PC: variants seen among roughly 807,000 people sequenced by gnomAD.
PC encodes pyruvate carboxylase, mitochondrial.
Under a neutral mutation model 107.8 loss-of-function variants are expected in PC, and 46 were observed. The ratio of observed to expected loss-of-function variants is 0.43; its 90% CI spans 0.34 to 0.55. The LOEUF (loss-of-function observed/expected upper bound fraction) is 0.55, where lower values mean the gene tolerates loss of function less well. PC is among the 20% of genes least tolerant of loss of function. The pLI is 0.04. For missense variants in PC, 1,241 were observed against 1,643.1 expected (o/e 0.76, Z 4.23); for synonymous variants, 662 against 684.7 (o/e 0.97, Z 0.52).
At position 66,852,028 on chromosome 11, in the gene PC, A is replaced by G; in HGVS notation, c.1826-82T>C. On this transcript the variant is annotated intron_variant, in intron 15 of 22. Coordinates refer to ENST00000393960, the MANE Select transcript of PC (RefSeq NM_001040716.2). This position sits in a 1 kb window ranked among gnomAD's most constrained non-coding sequence, Gnocchi z 4.7. ...GCCTTGGAGCTAGCTCTGCAGCACA[A>G]GCCTCTGGCCCCAATACCAGGTCCT... 9.1e-6 allele frequency: 13 copies of G among 1,433,634 alleles called. No individual in the cohort carries two copies. Among genetic ancestry groups the G allele is most frequent in the Non-Finnish European group, 1.3e-5 (13 of 1,033,052 alleles). The allele number at this position is 1,433,634 out of a possible 1,614,324, so 88.8% of individuals were successfully genotyped here.
chr11:66,853,805 C>T (rs531653483), intron 12 of PC, among the ~76,000 whole-genome samples: 1 of 152,336 alleles, frequency 6.6e-6, no homozygotes, highest in East Asian at 1.9e-4. Flanking sequence ...GGGCATGCTC[C>T]CGCCTTGCTG....
chr11:66,850,965 G>T (rs775323907), intron 17 of PC, 42 bp from the exon 18 acceptor site: 4 of 1,607,788 alleles, frequency 2.5e-6, no homozygotes. Context: ...TGGTAGAGAG[G>T]GCAGGATGTG....
chr11:66,929,289 A>G (rs1203336445), intron 3 of PC, among the ~76,000 whole-genome samples: 2 of 152,122 alleles, frequency 1.3e-5, no homozygotes, highest in Non-Finnish European at 2.9e-5. Context: ...TACTTCTCAA[A>G]TGTGAAATCC....
intron 11 of PC, 131 bp from the exon 12 acceptor site, chr11:66,864,087 C>T (rs1427828733): frequency 1.1e-6 from 1 of 898,030 alleles, no homozygotes; most frequent in South Asian, 1.4e-5. Flanking sequence ...GCAGGTGAAT[C>T]CCAGCTCTGG....
In PC at chr11:66,868,967, G is replaced by A; in HGVS notation, c.904-3C>T. ...GTGCCTGCGTTCTCGTAGCCCACCTGTGGGGGCGGCCACGTGAGCAGGGGA... is the reference window on the plus strand; with the variant it reads ...GTGCCTGCGTTCTCGTAGCCCACCTATGGGGGCGGCCACGTGAGCAGGGGA... On this transcript the variant is annotated splice_polypyrimidine_tract_variant and splice_region_variant and intron_variant, in intron 9 of 22. Coordinates refer to ENST00000393960, the MANE Select transcript of PC (RefSeq NM_001040716.2). 1 of 1,611,726 alleles carries A rather than the reference G, an allele frequency of 6.2e-7. No homozygotes were observed. Among genetic ancestry groups the A allele is most frequent in the Non-Finnish European group, 8.5e-7 (1 of 1,178,226 alleles).
intron 3 of PC, among the ~76,000 whole-genome samples, chr11:66,877,250 A>AT (rs1248938505): frequency 1.3e-5 from 2 of 152,150 alleles, no homozygotes; most frequent in East Asian, 3.9e-4. Flanking sequence ...GCCCAGCATG[A>AT]TAGTGGGCGC....
intron 12 of PC, chr11:66,859,093 G>C (rs1946079940): frequency 2.0e-6 from 3 of 1,486,156 alleles, no homozygotes; most frequent in South Asian, 1.4e-5. Context: ...CTCATCTACC[G>C]GTGAGGATGC....
intron 3 of PC, among the ~76,000 whole-genome samples, chr11:66,921,819 T>C (rs1948603210): frequency 6.6e-6 from 1 of 152,220 alleles, no homozygotes; most frequent in Admixed American, 6.5e-5. Context: ...TGTATTCTTT[T>C]ATATAAATTT....
At chr11:66,951,982 T>C (rs932910329) in intron 3 of PC, among the ~76,000 whole-genome samples, 1 of 152,094 alleles carries the variant, frequency 6.6e-6, no homozygotes, top group Non-Finnish European at 1.5e-5. Context: ...TTTTTCCCCG[T>C]TGTTACCGTG....
At chr11:66,932,316 A>G (rs1948878650) in intron 3 of PC, among the ~76,000 whole-genome samples, 1 of 152,052 alleles carries the variant, frequency 6.6e-6, no homozygotes, top group Admixed American at 6.6e-5. Context: ...ATCTCTGAGG[A>G]GTTACCTAGG....
intron 3 of PC, among the ~76,000 whole-genome samples, chr11:66,940,445 T>C (rs1256349416): frequency 6.6e-6 from 1 of 152,008 alleles, no homozygotes; most frequent in Admixed American, 6.6e-5. Flanking sequence ...CCCAGCACTT[T>C]GGGAGGCTGA....
intron 3 of PC, among the ~76,000 whole-genome samples, chr11:66,912,321 A>AC (rs1407478742): frequency 5.3e-5 from 8 of 151,746 alleles, no homozygotes; most frequent in Non-Finnish European, 7.4e-5. Context: ...TGACTCACAG[A>AC]CCCCCCTGGA....
At chr11:66,864,843 C>T (rs1380159530) in intron 11 of PC, among the ~76,000 whole-genome samples, 1 of 152,108 alleles carries the variant, frequency 6.6e-6, no homozygotes, top group Non-Finnish European at 1.5e-5. Context: ...GGTGGGGGAC[C>T]CGTCAGGCCC....
intron 18 of PC, 90 bp from the exon 19 acceptor site, chr11:66,850,554 T>G: frequency 6.2e-7 from 1 of 1,606,338 alleles, no homozygotes; most frequent in Non-Finnish European, 8.5e-7. Context: ...CTGACTCAGG[T>G]GACAGAAGGC....
intron 19 of PC, 37 bp from the exon 20 acceptor site, chr11:66,850,153 C>T: frequency 1.2e-6 from 2 of 1,613,876 alleles, no homozygotes; most frequent in Non-Finnish European, 1.7e-6. Flanking sequence ...GTGCCAGGCA[C>T]CTCAAGGAGG....
At chr11:66,902,010 T>C (rs1311311561) in intron 3 of PC, among the ~76,000 whole-genome samples, 1 of 152,174 alleles carries the variant, frequency 6.6e-6, no homozygotes, top group Non-Finnish European at 1.5e-5. Context: ...TAGGTCAATG[T>C]GAAAGCCTGG....
intron 3 of PC, among the ~76,000 whole-genome samples, chr11:66,946,584 G>A (rs1340862123): frequency 1.3e-5 from 2 of 152,040 alleles, no homozygotes; most frequent in East Asian, 1.9e-4. Flanking sequence ...TCATGAAACC[G>A]CATTCCAGCC....
chr11:66,859,393 GT>G (rs1350211366), intron 12 of PC, among the ~76,000 whole-genome samples: 1 of 152,174 alleles, frequency 6.6e-6, no homozygotes, highest in Non-Finnish European at 1.5e-5. Context: ...CCGCGCCCGC[GT>G]GTTATTTCTG....
chr11:66,911,555 G>A (rs1274576160), intron 3 of PC, among the ~76,000 whole-genome samples: 1 of 152,172 alleles, frequency 6.6e-6, no homozygotes, highest in Non-Finnish European at 1.5e-5. Flanking sequence ...CTGCACTACA[G>A]CCTGGGCAAC....
Sources: gnomAD v4.1 joint callset for allele counts (sites outside exome capture counted in the v4.1 genomes callset) on GRCh38, gnomAD v4.1.1 for gene constraint, Gnocchi (gnomAD v3.1) non-coding constraint, MANE v1.5 for transcripts, NCBI Gene and HGNC (gene_info 2026-07-23, HGNC 2026-07-21) for gene names.